The following SLC2A5 variants were observed in gnomAD, a reference collection of about 807,000 sequenced individuals.
SLC2A5 encodes solute carrier family 2 member 5, also known as solute carrier family 2, facilitated glucose transporter member 5.
SLC2A5 carries 56 observed loss-of-function variants against 50.3 expected under a neutral mutation model. That is an observed-to-expected ratio of 1.11 (90% CI 0.90 to 1.39). The LOEUF (loss-of-function observed/expected upper bound fraction) is 1.39. Among genes scored for constraint, SLC2A5 ranks in the 40% most tolerant of loss-of-function variants. SLC2A5 has a pLI of 0.00. For missense variants in SLC2A5, 566 were observed against 650.1 expected, an observed-to-expected ratio of 0.87 and a Z score of 1.41; for synonymous variants, 269 against 281.9, an observed-to-expected ratio of 0.95 and a Z score of 0.46.
At chr1:9,074,511 G>T (rs1465887413), upstream of SLC2A5, among the ~76,000 whole-genome samples, 2 of 152,148 alleles carry the variant, frequency 1.3e-5, no homozygotes, top group African/African-American at 4.8e-5. Context: ...CATAAAGTGA[G>T]GTGAACACAG....
At chr1:9,051,537 T>C (rs1641578062) in intron 3 of SLC2A5, among the ~76,000 whole-genome samples, 1 of 152,094 alleles carries the variant, frequency 6.6e-6, no homozygotes, top group Non-Finnish European at 1.5e-5. Context: ...GAAATAAGCA[T>C]ATGAAAAGGT....
At chr1:9,050,827 A>G (rs1641554602) in intron 3 of SLC2A5, among the ~76,000 whole-genome samples, 1 of 152,236 alleles carries the variant, frequency 6.6e-6, no homozygotes, top group South Asian at 2.1e-4. Context: ...TGAGATAAAA[A>G]TGTCATAAAA....
At chr1:9,060,341 C>T in intron 1 of SLC2A5, among the ~76,000 whole-genome samples, 1 of 131,038 alleles carries the variant, frequency 7.6e-6, no homozygotes, top group African/African-American at 2.9e-5. Context: ...CACAAGCACA[C>T]ACGCCCCCCA....
intron 1 of SLC2A5, among the ~76,000 whole-genome samples, chr1:9,066,217 C>A (rs978281608): frequency 2.6e-5 from 4 of 152,018 alleles, no homozygotes; most frequent in East Asian, 1.9e-4. Context: ...AGGTGGGGAA[C>A]TTTATTCAAC....
chr1:9,049,148 C>T (rs1018639626), intron 3 of SLC2A5: 6 of 456,096 alleles, frequency 1.3e-5, no homozygotes, highest in African/African-American at 4.0e-5. Flanking sequence ...AGGGGCCTCT[C>T]GCAATGGAGC....
In SLC2A5 at chr1:9,062,554, G is replaced by A. The variant is rs1641972496; in HGVS notation, c.34-4304C>T. Among the ~76,000 whole-genome samples the A allele has an allele frequency of 3.9e-5, 6 of 152,204 alleles. No individual in the cohort carries two copies. In the South Asian group the frequency reaches 1.2e-3, roughly 32 times the overall value. Reference sequence around the variant, plus strand: ...CCATGTGCTCTGTAGCCAAGGAGTGGGATGGAAGGATTTGAACTTTAAAAA... The same window carrying A: ...CCATGTGCTCTGTAGCCAAGGAGTGAGATGGAAGGATTTGAACTTTAAAAA... On this transcript the variant is annotated intron_variant, in intron 1 of 11. Coordinates refer to ENST00000377424, the MANE Select transcript of SLC2A5 (RefSeq NM_003039.3).
intron 3 of SLC2A5, among the ~76,000 whole-genome samples, chr1:9,053,341 CTA>C (rs1483135335): frequency 0.015 from 31 of 2,030 alleles, no homozygotes; most frequent in African/African-American, 0.049. Context: ...TATTTATATA[CTA>C]TATATATTTA....
At chr1:9,039,286 C>T (rs998618224) in intron 8 of SLC2A5, among the ~76,000 whole-genome samples, 6 of 152,234 alleles carry the variant, frequency 3.9e-5, no homozygotes, top group Admixed American at 3.9e-4. Flanking sequence ...TCCGGGTAGC[C>T]CGGGCTCGGA....
chr1:9,068,454 T>A (rs992253891), intron 1 of SLC2A5, among the ~76,000 whole-genome samples: 12 of 149,414 alleles, frequency 8.0e-5, no homozygotes, highest in Non-Finnish European at 1.8e-4. Flanking sequence ...CCACTCTTTT[T>A]TTTTTTTTTT....
upstream of SLC2A5, among the ~76,000 whole-genome samples, chr1:9,092,397 C>G (rs532869038): frequency 6.6e-6 from 1 of 152,256 alleles, no homozygotes; most frequent in African/African-American, 2.4e-5. Flanking sequence ...CCATTTCCCT[C>G]TACACCATTT....
chr1:9,083,490 A>G (rs1642373719), intron 2 of SLC2A5, among the ~76,000 whole-genome samples: 1 of 152,196 alleles, frequency 6.6e-6, no homozygotes, highest in Admixed American at 6.5e-5. Flanking sequence ...GCTGGATTTG[A>G]CCTAGGTTTC....
intron 5 of SLC2A5, chr1:9,041,512 G>C (rs1451185226): frequency 7.4e-7 from 1 of 1,342,806 alleles, no homozygotes; most frequent in African/African-American, 1.5e-5. Context: ...ATGGACAGCT[G>C]CTGAGCAGGC....
intron 1 of SLC2A5, among the ~76,000 whole-genome samples, chr1:9,087,721 T>C (rs555554417): frequency 6.6e-6 from 1 of 152,212 alleles, no homozygotes; most frequent in African/African-American, 2.4e-5. Context: ...TGAAGGGGAC[T>C]GTGAGACTCG....
chr1:9,047,550 C>A, intron 4 of SLC2A5, 60 bp downstream of exon 4: 1 of 1,577,700 alleles, frequency 6.3e-7, no homozygotes, highest in Non-Finnish European at 8.7e-7. Context: ...TCCCTGGGAA[C>A]CTGTTGTCCT....
rs1341199358 is a variant in SLC2A5 at position 9,077,186 on chromosome 1, G to A, written c.-58-7592C>T. 2.6e-5 allele frequency among the ~76,000 whole-genome samples: 4 copies of A among 150,988 alleles called. No homozygotes were observed. The East Asian group carries it at 7.9e-4, about 30-fold the overall frequency. ...AGGCTGAGGCAGGCAGATCGCTTGA[G>A]CTCAGGAGTTCAAGACTAGTCTGGC... On this transcript the variant is annotated intron_variant, in intron 2 of 5. Coordinates refer to the SLC2A5 transcript ENST00000464985.
intron 2 of SLC2A5, among the ~76,000 whole-genome samples, chr1:9,079,382 G>A (rs1241205886): frequency 1.3e-5 from 2 of 152,194 alleles, no homozygotes; most frequent in Admixed American, 1.3e-4. Flanking sequence ...GAGAAGCACA[G>A]GCAGAAGACG....
upstream of SLC2A5, chr1:9,071,804 G>T: frequency 6.5e-6 from 1 of 152,764 alleles, no homozygotes; most frequent in Non-Finnish European, 1.5e-5. Context: ...ACGCCAGGCT[G>T]CGGGCCGCTC....
At chr1:9,057,713 C>T in intron 2 of SLC2A5, 105 bp from the exon 3 acceptor site, 1 of 957,838 alleles carries the variant, frequency 1.0e-6, no homozygotes, top group South Asian at 1.5e-5. Context: ...CACACAGAGA[C>T]CAACCTTATT....
At chr1:9,076,624 G>T (rs1642286363) in intron 2 of SLC2A5, among the ~76,000 whole-genome samples, 1 of 152,072 alleles carries the variant, frequency 6.6e-6, no homozygotes, top group African/African-American at 2.4e-5. Context: ...GAGAGGAAAT[G>T]GCTCTTGGCC....
Sources: allele counts gnomAD v4.1 joint callset (sites outside exome capture counted in the v4.1 genomes callset), GRCh38; gene constraint gnomAD v4.1.1; transcripts MANE v1.5; gene names NCBI Gene and HGNC (gene_info 2026-07-23, HGNC 2026-07-21).